EVX1: variants seen among roughly 807,000 people sequenced by gnomAD.
EVX1 encodes the protein homeobox even-skipped homolog protein 1.
Under a neutral mutation model 28.6 loss-of-function variants are expected in EVX1, and 19 were observed. The ratio of observed to expected loss-of-function variants is 0.67; its 90% CI spans 0.46 to 0.98. The LOEUF is 0.98. Among genes scored for constraint, EVX1 ranks in the 50% least tolerant of loss-of-function variants. The pLI, the probability that EVX1 is intolerant of heterozygous loss-of-function variation, is 0.00. For synonymous variants in EVX1, 324 were observed against 278.2 expected, an observed-to-expected ratio of 1.16 and a Z score of -1.64; for missense variants, 660 against 583.0, an observed-to-expected ratio of 1.13 and a Z score of -1.36.
Position 27,246,668 on chromosome 7 carries a change from T to G in EVX1, c.*243T>G. The G allele has an allele frequency of 1.9e-6, 1 of 524,864 alleles. No individual in the cohort carries two copies. Among genetic ancestry groups the G allele is most frequent in the Non-Finnish European group, 3.3e-6 (1 of 304,186 alleles). The allele number at this position is 524,864 out of a possible 1,614,324, so 32.5% of individuals were successfully genotyped here. A position where few individuals can be genotyped will look rare whatever the true frequency, so the allele number is the denominator to read the frequency against. ...GGAAGCAGAGCTTGAGAGACCTTCCTCCGGGGCAGCCTCCGGACCCACCGC... is the reference window on the plus strand; with the variant it reads ...GGAAGCAGAGCTTGAGAGACCTTCCGCCGGGGCAGCCTCCGGACCCACCGC... On this transcript the variant is annotated 3_prime_UTR_variant, in exon 3 of 3. Coordinates refer to ENST00000496902, the MANE Select transcript of EVX1 (RefSeq NM_001989.5).
At position 27,243,273 on chromosome 7, in the gene EVX1, C is replaced by A. The variant is rs776746533; in HGVS notation, c.243C>A (p.Gly81=). Residue 81 remains glycine (G), a synonymous_variant, in exon 1 of 3, where the codon GGC becomes GGA. Transcript: ENST00000496902. ...TCGCAGGCAGCGCGGCGGGGCCGGG[C>A]GCCGAGCCCCAGGTAGCTGGGGCGG... is the stretch of plus-strand genomic sequence containing the variant. ...DGLAGSAAGP[G]AEPQVAGAAM... is the part of the protein sequence containing the mutation. 4 of 1,543,370 alleles carry A rather than the reference C, an allele frequency of 2.6e-6. No homozygotes were observed. The highest frequency in any genetic ancestry group is 1.2e-5 in the South Asian group (1 of 83,940).
Position 27,245,166 on chromosome 7 carries a change from G to C in EVX1, c.546G>C (p.Gln182His). 1 of 1,613,468 alleles carries C rather than the reference G, an allele frequency of 6.2e-7. No homozygotes were observed. The highest frequency in any genetic ancestry group is 8.5e-7 in the Non-Finnish European group (1 of 1,180,052). ...CCCTGGCGTGCAGCGCCAGTGACCA[G>C]ATGCGTCGTTACCGCACCGCCTTCA... ...QGTLACSASD[Q>H]MRRYRTAFTR... Residue 182 changes from glutamine to histidine, a missense_variant, in exon 2 of 3, where the codon CAG (glutamine) becomes CAC (histidine). Gln to His is a conservative substitution (Grantham distance 24, BLOSUM62 0). Coordinates refer to ENST00000496902, the MANE Select transcript of EVX1 (RefSeq NM_001989.5).
chr7:27,245,832 C>A, intron 2 of EVX1, 54 bp from the exon 3 acceptor site: 1 of 1,578,954 alleles, frequency 6.3e-7, no homozygotes, highest in Non-Finnish European at 8.6e-7. Context: ...GACTACTGGC[C>A]TCTGAGCATC....
In EVX1 at chr7:27,246,154, C is replaced by T. The variant is rs764927169; in HGVS notation, c.953C>T (p.Pro318Leu). 7.3e-6 allele frequency: 11 copies of T among 1,508,392 alleles called. No homozygotes were observed. Among genetic ancestry groups the T allele is most frequent in the African/African-American group, 2.9e-5 (2 of 69,278 alleles). 93.4% of individuals were successfully genotyped at this position (1,508,392 alleles called of 1,614,324 possible). The stretch of plus-strand genomic sequence containing the variant: ...TTCCGCGTGCTGTCGCAGCCCTACC[C>T]GCGGCCCGAACTGCTGTGCGCCTTC... ...DTFRVLSQPY[P>L]RPELLCAFRH... The change falls in exon 3 of 3, where the codon CCG becomes CTG. Residue 318 changes from proline (P) to leucine (L), a missense_variant. Pro to Leu is a moderately conservative substitution (Grantham distance 98). Transcript: ENST00000496902.
chr7:27,247,722 T>C lies in EVX1; in HGVS notation c.*1297T>C, dbSNP rs17501885. Reference sequence around the variant, plus strand: ...GACTGAGAGGGAGTGGTTCTTCCTGTAGGGAATGAATTTGGTTTGATTTGG... The same window carrying C: ...GACTGAGAGGGAGTGGTTCTTCCTGCAGGGAATGAATTTGGTTTGATTTGG... On this transcript the variant is annotated 3_prime_UTR_variant, in exon 3 of 3. Coordinates refer to ENST00000496902, the MANE Select transcript of EVX1 (RefSeq NM_001989.5). The C allele has an allele frequency of 6.6e-6, 1 of 152,316 alleles. No individual in the cohort carries two copies. The highest frequency in any genetic ancestry group is 2.4e-5 in the African/African-American group (1 of 41,558). The allele number at this position is 152,316 out of a possible 1,614,324, so 9.4% of individuals were successfully genotyped here. A position where few individuals can be genotyped will look rare whatever the true frequency, so the allele number is the denominator to read the frequency against.
Position 27,246,211 on chromosome 7 carries a change from A to G in EVX1, c.1010A>G (p.His337Arg). Reference protein sequence around the residue: ...RHPPLYPGPAHGLGASAGGPC... With the variant: ...RHPPLYPGPARGLGASAGGPC... ...CCGCCGCTCTACCCCGGGCCCGCGC[A>G]CGGACTGGGCGCCTCTGCCGGCGGC... The change falls in exon 3 of 3, where the codon CAC becomes CGC. Residue 337 changes from histidine (H) to arginine (R), a missense_variant. Transcript: ENST00000496902. 1.5e-5 allele frequency: 23 copies of G among 1,500,188 alleles called. No individual in the cohort carries two copies. Among genetic ancestry groups the G allele is most frequent in the Non-Finnish European group, 1.9e-5 (22 of 1,135,058 alleles). The allele number at this position is 1,500,188 out of a possible 1,614,324, so 92.9% of individuals were successfully genotyped here.
rs1273812878 is a variant in EVX1 at position 27,246,283 on chromosome 7, C to A, written c.1082C>A (p.Ala361Glu). ...CACAGCGGCCCGGCCAACGGGCTGG[C>A]GCCCCGGGCTGCCGCCGCCTCGGAC... ...ACHSGPANGL[A>E]PRAAAASDFT... The change falls in exon 3 of 3, where the codon GCG becomes GAG. Residue 361 changes from alanine to glutamate, a missense_variant. Physicochemically the swap from Ala to Glu is moderately radical, Grantham distance 107. This residue lies in a region of EVX1 where 299 missense variants were observed against 241.3 expected (regional missense o/e 1.24). Transcript: ENST00000496902. 2 of 1,576,964 alleles carry A rather than the reference C, an allele frequency of 1.3e-6. No individual in the cohort carries two copies. The highest frequency in any genetic ancestry group is 1.4e-5 in the African/African-American group (1 of 73,664).
intron 1 of EVX1, chr7:27,244,326 A>G (rs1783109674): frequency 5.7e-6 from 1 of 174,892 alleles, no homozygotes; most frequent in Admixed American, 6.6e-5. Flanking sequence ...CCACCAGCAG[A>G]CACTCCTCCA....
Position 27,246,535 on chromosome 7 carries a change from A to C in EVX1, c.*110A>C. 8.7e-7 allele frequency: 1 copy of C among 1,145,358 alleles called. No individual in the cohort carries two copies. The highest frequency in any genetic ancestry group is 1.4e-5 in the South Asian group (1 of 69,582). The allele number at this position is 1,145,358 out of a possible 1,614,324, so 70.9% of individuals were successfully genotyped here. Reference sequence around the variant, plus strand: ...CTCGCTCCTCGCCCCTAGGACGCCAAGGGGGAAAGGAGAGGGCGGAAAAGG... The same window carrying C: ...CTCGCTCCTCGCCCCTAGGACGCCACGGGGGAAAGGAGAGGGCGGAAAAGG... On this transcript the variant is annotated 3_prime_UTR_variant, in exon 3 of 3. Transcript: ENST00000496902.
At chr7:27,244,480 AC>A in intron 1 of EVX1, 4 of 987,870 alleles carry the variant, frequency 4.0e-6, no homozygotes, top group Non-Finnish European at 4.8e-6. Flanking sequence ...CCTTCCCATA[AC>A]CCTCAGAACA....
In EVX1 at chr7:27,246,176, C is replaced by T. The variant is rs893228128; in HGVS notation, c.975C>T (p.Ala325=). The change falls in exon 3 of 3, where the codon GCC becomes GCT. Residue 325 remains alanine, a synonymous_variant. Transcript: ENST00000496902. ...ACCCGCGGCCCGAACTGCTGTGCGC[C>T]TTCCGCCACCCGCCGCTCTACCCCG... ...QPYPRPELLC[A]FRHPPLYPGP... 78 of 1,489,276 alleles carry T rather than the reference C, an allele frequency of 5.2e-5. No individual in the cohort carries two copies. The highest frequency in any genetic ancestry group is 6.5e-5 in the Non-Finnish European group (73 of 1,129,490). 92.3% of individuals were successfully genotyped at this position (1,489,276 alleles called of 1,614,324 possible).
rs998969211 is a variant in EVX1, at chr7:27,247,647, C to G, written c.*1222C>G. 2.6e-5 allele frequency: 4 copies of G among 152,162 alleles called. No individual in the cohort carries two copies. Among genetic ancestry groups the G allele is most frequent in the Admixed American group, 6.5e-5 (1 of 15,286 alleles). 9.4% of individuals were successfully genotyped at this position (152,162 alleles called of 1,614,324 possible). A position where few individuals can be genotyped will look rare whatever the true frequency, so the allele number is the denominator to read the frequency against. On this transcript the variant is annotated 3_prime_UTR_variant, in exon 3 of 3. Transcript: ENST00000496902. ...TCACTCCCACACTCATCCTTGCAGC[C>G]AGTTTTTGAGGAAGAGGAGAACGTG... is the stretch of plus-strand genomic sequence containing the variant.
chr7:27,245,837 A>G (rs759982347), intron 2 of EVX1, 49 bp from the exon 3 acceptor site: 4 of 1,582,936 alleles, frequency 2.5e-6, no homozygotes, highest in Non-Finnish European at 8.6e-7. Context: ...CTGGCCTCTG[A>G]GCATCGGGCC....
rs1479935066 is a variant in EVX1 at position 27,243,258 on chromosome 7, C to G, written c.228C>G (p.Ser76Arg). The change falls in exon 1 of 3, where the codon AGC becomes AGG. Residue 76 changes from serine to arginine, a missense_variant. Around this residue, in one of 3 missense-constraint regions of EVX1, gnomAD observed 308 missense variants for 256.6 expected, o/e 1.20. Transcript: ENST00000496902. ...AGCCGGTAGATGGACTCGCAGGCAG[C>G]GCGGCGGGGCCGGGCGCCGAGCCCC... is the stretch of plus-strand genomic sequence containing the variant. ...EEEPVDGLAGSAAGPGAEPQV... is the reference protein window; with the variant it reads ...EEEPVDGLAGRAAGPGAEPQV... 2 of 1,543,482 alleles carry G rather than the reference C, an allele frequency of 1.3e-6. No individual in the cohort carries two copies. The highest frequency in any genetic ancestry group is 2.8e-5 in the African/African-American group (2 of 72,610).
At position 27,246,185 on chromosome 7, in the gene EVX1, CCCG is replaced by C. The variant is rs1311216470; in HGVS notation, c.989_991del (p.Pro330del). 6.0e-6 allele frequency: 9 copies of C among 1,490,300 alleles called. No individual in the cohort carries two copies. In the Admixed American group the frequency reaches 1.4e-4, roughly 23 times the overall value. The allele number at this position is 1,490,300 out of a possible 1,614,324, so 92.3% of individuals were successfully genotyped here. A position where few individuals can be genotyped will look rare whatever the true frequency, so the allele number is the denominator to read the frequency against. On this transcript the variant is annotated inframe_deletion, in exon 3 of 3. Coordinates refer to ENST00000496902, the MANE Select transcript of EVX1 (RefSeq NM_001989.5). ...CCGAACTGCTGTGCGCCTTCCGCCACCCGCCGCTCTACCCCGGGCCCGCGCACG... is the reference window on the plus strand; with the variant it reads ...CCGAACTGCTGTGCGCCTTCCGCCACCCGCTCTACCCCGGGCCCGCGCACG...
chr7:27,244,113 G>C (rs1052548625), intron 1 of EVX1, among the ~76,000 whole-genome samples: 1 of 152,246 alleles, frequency 6.6e-6, no homozygotes, highest in Non-Finnish European at 1.5e-5. Context: ...CAAAGGAAAA[G>C]GAGCTGCAGG....
Position 27,245,880 on chromosome 7 carries a change from C to G in EVX1, c.685-6C>G, listed in dbSNP as rs757482222. 1.9e-6 allele frequency: 3 copies of G among 1,610,234 alleles called. No homozygotes were observed. The South Asian group carries it at 3.3e-5, about 18-fold the overall frequency. On this transcript the variant is annotated splice_polypyrimidine_tract_variant and splice_region_variant and intron_variant, in intron 2 of 2. Coordinates refer to ENST00000496902, the MANE Select transcript of EVX1 (RefSeq NM_001989.5). ...GCTACTGAACCTGCTCCGCTCCTCT[C>G]CCCAGGTGTGGTTCCAGAACCGGCG...
At position 27,247,058 on chromosome 7, in the gene EVX1, G is replaced by C. The variant is rs888485601; in HGVS notation, c.*633G>C. Reference sequence around the variant, plus strand: ...AGCCTCGACTACACAGCATCTTCTGGGTCTGGCGTCTGCCAGCACCTGATC... The same window carrying C: ...AGCCTCGACTACACAGCATCTTCTGCGTCTGGCGTCTGCCAGCACCTGATC... On this transcript the variant is annotated 3_prime_UTR_variant, in exon 3 of 3. Transcript: ENST00000496902. The C allele has an allele frequency of 6.6e-6, 1 of 152,318 alleles. No homozygotes were observed. The highest frequency in any genetic ancestry group is 2.4e-5 in the African/African-American group (1 of 41,436). 9.4% of individuals were successfully genotyped at this position (152,318 alleles called of 1,614,324 possible).
chr7:27,245,880 C>A lies in EVX1; in HGVS notation c.685-6C>A, dbSNP rs757482222. 6.2e-7 allele frequency: 1 copy of A among 1,610,232 alleles called. No homozygotes were observed. Among genetic ancestry groups the A allele is most frequent in the South Asian group, 1.1e-5 (1 of 90,830 alleles). ...GCTACTGAACCTGCTCCGCTCCTCT[C>A]CCCAGGTGTGGTTCCAGAACCGGCG... is the stretch of plus-strand genomic sequence containing the variant. On this transcript the variant is annotated splice_polypyrimidine_tract_variant and splice_region_variant and intron_variant, in intron 2 of 2. Coordinates refer to ENST00000496902, the MANE Select transcript of EVX1 (RefSeq NM_001989.5).
Sources: allele counts gnomAD v4.1 joint callset (sites outside exome capture counted in the v4.1 genomes callset), GRCh38; gene constraint gnomAD v4.1.1; regional missense constraint gnomAD v4.1.1; transcripts MANE v1.5; gene names NCBI Gene and HGNC (gene_info 2026-07-23, HGNC 2026-07-21).